Variants in UPF2 observed in about 807,000 individuals in gnomAD.
The protein encoded by UPF2 is UPF2 regulator of nonsense mediated mRNA decay.
In UPF2, 17 loss-of-function variants were observed where a neutral mutation model predicts 141.4. The ratio of observed to expected loss-of-function variants is 0.12; its 90% CI spans 0.08 to 0.18. UPF2 has a LOEUF of 0.18. UPF2 is among the 10% of genes least tolerant of loss of function. The probability of loss-of-function intolerance (pLI) is 1.00; values close to 1 mark genes in which losing one functional copy is unlikely to be tolerated. For synonymous variants in UPF2, 540 were observed against 498.0 expected, an observed-to-expected ratio of 1.08 and a Z score of -1.12; for missense variants, 1,152 against 1,515.9, an observed-to-expected ratio of 0.76 and a Z score of 3.99.
intron 21 of UPF2, among the ~76,000 whole-genome samples, chr10:11,929,422 A>G (rs1459271773): frequency 6.6e-6 from 1 of 152,198 alleles, no homozygotes; most frequent in Non-Finnish European, 1.5e-5. Context: ...AGATGGCTTG[A>G]GCTCAGGAGT....
chr10:11,999,545 A>G (rs1043177947), intron 7 of UPF2, among the ~76,000 whole-genome samples: 30 of 151,708 alleles, frequency 2.0e-4, no homozygotes, highest in African/African-American at 6.8e-4. Context: ...ACACACAAGA[A>G]AAAAAAACTT....
At chr10:11,973,110 T>C (rs187706353) in intron 9 of UPF2, among the ~76,000 whole-genome samples, 2,288 of 152,352 alleles carry the variant, frequency 0.015, 25 homozygotes, top group South Asian at 0.02. Flanking sequence ...ATTGTGGTTT[T>C]GATTTGCATT....
chr10:11,965,507 T>C (rs1017830506), intron 10 of UPF2, among the ~76,000 whole-genome samples: 10 of 152,316 alleles, frequency 6.6e-5, no homozygotes, highest in Admixed American at 6.5e-4. Context: ...TCACCCAGTC[T>C]GGAGTGCAGT....
intron 15 of UPF2, among the ~76,000 whole-genome samples, chr10:11,951,123 C>T (rs1192146947): frequency 3.3e-5 from 5 of 152,192 alleles, no homozygotes; most frequent in Admixed American, 6.5e-5. Flanking sequence ...AGTGCAATGG[C>T]GTGATCTTGG....
chr10:11,968,445 G>A (rs1028533194), intron 9 of UPF2, among the ~76,000 whole-genome samples: 17 of 152,054 alleles, frequency 1.1e-4, no homozygotes, highest in African/African-American at 2.9e-4. Flanking sequence ...ATACTATAAG[G>A]AACACACTTT....
At chr10:11,981,524 A>G (rs964586865) in intron 8 of UPF2, among the ~76,000 whole-genome samples, 23 of 152,246 alleles carry the variant, frequency 1.5e-4, no homozygotes, top group African/African-American at 5.5e-4. Flanking sequence ...ACTACAATCC[A>G]TTATATAAAA....
Position 11,995,859 on chromosome 10 carries a change from T to C in UPF2, c.1844+1813A>G, listed in dbSNP as rs143088256. ...GACTCCCTGCACATACTGTTGCCTC[T>C]GTCAGCAATGCTCTCCCTACATTCC... On this transcript the variant is annotated intron_variant, in intron 8 of 21. Transcript: ENST00000357604. 1.6e-4 allele frequency among the ~76,000 whole-genome samples: 25 copies of C among 152,296 alleles called. No homozygotes were observed. The East Asian group carries it at 4.1e-3, about 25-fold the overall frequency.
chr10:11,993,536 AC>A (rs547720362), intron 8 of UPF2, among the ~76,000 whole-genome samples: 7,768 of 151,936 alleles, frequency 0.051, 267 homozygotes, highest in Non-Finnish European at 0.079. Flanking sequence ...CAAAAAAAAA[AC>A]CAGACAGTAT....
In UPF2 at chr10:12,028,496, C is replaced by T. The variant is rs2131306154; in HGVS notation, c.1145+249G>A. On this transcript the variant is annotated intron_variant, in intron 3 of 21. Transcript: ENST00000357604. ...AGTATTTAAAATCACAGGAAGAATA[C>T]ACATCCACAAAGCAAAAATCACCAT... Among the ~76,000 whole-genome samples the T allele has an allele frequency of 2.0e-5, 3 of 152,230 alleles. No homozygotes were observed. In the South Asian group the frequency reaches 6.2e-4, roughly 32 times the overall value.
At chr10:11,970,270 G>C (rs1833394907) in intron 9 of UPF2, among the ~76,000 whole-genome samples, 1 of 152,086 alleles carries the variant, frequency 6.6e-6, no homozygotes, top group Admixed American at 6.5e-5. Flanking sequence ...GTATTTTAAT[G>C]ACAGGGTAAA....
At chr10:12,023,878 G>C (rs895148662) in intron 3 of UPF2, among the ~76,000 whole-genome samples, 7 of 151,342 alleles carry the variant, frequency 4.6e-5, no homozygotes, top group African/African-American at 1.7e-4. Flanking sequence ...TATGGTCCCA[G>C]CTACTCAGGA....
chr10:11,931,611 T>G lies in UPF2; in HGVS notation c.3688+30A>C. The G allele has an allele frequency of 6.6e-7, 1 of 1,523,766 alleles. No individual in the cohort carries two copies. Among genetic ancestry groups the G allele is most frequent in the Non-Finnish European group, 8.8e-7 (1 of 1,137,568 alleles). 94.4% of individuals were successfully genotyped at this position (1,523,766 alleles called of 1,614,324 possible). ...TTTGATGCTCAAAAGGCAACAAAAATTTCCACTTCTCTTATAGATGATTTT... is the reference window on the plus strand; with the variant it reads ...TTTGATGCTCAAAAGGCAACAAAAAGTTCCACTTCTCTTATAGATGATTTT... On this transcript the variant is annotated intron_variant, in intron 20 of 21. Transcript: ENST00000357604. This position sits in a 1 kb window ranked among gnomAD's most constrained non-coding sequence, Gnocchi z 5.9.
Position 11,992,845 on chromosome 10 carries a change from C to T in UPF2, c.1844+4827G>A, listed in dbSNP as rs1400949131. Among the ~76,000 whole-genome samples, 1 of 151,914 alleles carries T rather than the reference C, an allele frequency of 6.6e-6. No individual in the cohort carries two copies. Among genetic ancestry groups the T allele is most frequent in the Non-Finnish European group, 1.5e-5 (1 of 67,994 alleles). On this transcript the variant is annotated intron_variant, in intron 8 of 21. Transcript: ENST00000357604. The surrounding 1 kb of genome is among the most constrained non-coding windows in gnomAD (Gnocchi z 4.1). Reference sequence around the variant, plus strand: ...AAATAAAAGGCACATGTATACCAAACGCAAATAAAAAGAAAGCAGCAGTCA... The same window carrying T: ...AAATAAAAGGCACATGTATACCAAATGCAAATAAAAAGAAAGCAGCAGTCA...
intron 15 of UPF2, among the ~76,000 whole-genome samples, chr10:11,950,793 T>C (rs1833063481): frequency 6.6e-6 from 1 of 152,234 alleles, no homozygotes; most frequent in Admixed American, 6.5e-5. Flanking sequence ...AGAAAGTAGG[T>C]AACTTGGAAA....
At chr10:12,020,653 A>G (rs1834301992) in intron 3 of UPF2, among the ~76,000 whole-genome samples, 1 of 152,220 alleles carries the variant, frequency 6.6e-6, no homozygotes, top group Non-Finnish European at 1.5e-5. Flanking sequence ...AATACTTACA[A>G]TGTGCCAGAC....
chr10:12,032,794 G>A (rs865830407), intron 2 of UPF2, among the ~76,000 whole-genome samples: 1 of 151,404 alleles, frequency 6.6e-6, no homozygotes, highest in African/African-American at 2.4e-5. Flanking sequence ...TCCAAAACTA[G>A]GCACTACTAT....
chr10:11,949,698 G>T (rs1346212757), intron 15 of UPF2, among the ~76,000 whole-genome samples: 1 of 152,152 alleles, frequency 6.6e-6, no homozygotes, highest in Non-Finnish European at 1.5e-5. Flanking sequence ...AAACTTTAGC[G>T]ATGATGTGAT....
chr10:12,012,132 G>C (rs1211467128), intron 4 of UPF2, among the ~76,000 whole-genome samples: 1 of 147,784 alleles, frequency 6.8e-6, no homozygotes, highest in African/African-American at 2.5e-5. Context: ...GCGCGAGCCT[G>C]GCTCTCTGTA....
At position 11,992,877 on chromosome 10, in the gene UPF2, G is replaced by A. The variant is rs1476688576; in HGVS notation, c.1844+4795C>T. Among the ~76,000 whole-genome samples the A allele has an allele frequency of 1.3e-5, 2 of 152,174 alleles. No individual in the cohort carries two copies. Among genetic ancestry groups the A allele is most frequent in the Non-Finnish European group, 2.9e-5 (2 of 68,034 alleles). ...AAAAAGAAAGCAGCAGTCAGGCGCA[G>A]GTGGCTCACACTTGTAATCCCAGCA... On this transcript the variant is annotated intron_variant, in intron 8 of 21. Coordinates refer to ENST00000357604, the MANE Select transcript of UPF2 (RefSeq NM_015542.4). This position sits in a 1 kb window ranked among gnomAD's most constrained non-coding sequence, Gnocchi z 4.1.
Sources: allele counts gnomAD v4.1 joint callset (sites outside exome capture counted in the v4.1 genomes callset), GRCh38; gene constraint gnomAD v4.1.1; non-coding constraint Gnocchi (gnomAD v3.1); transcripts MANE v1.5; gene names NCBI Gene and HGNC (gene_info 2026-07-23, HGNC 2026-07-21).